Variants in ZBTB20 observed in about 807,000 individuals in gnomAD.
ZBTB20 encodes zinc finger and BTB domain-containing protein 20.
A neutral mutation model predicts 56.9 loss-of-function variants in ZBTB20; 9 were observed. That is an observed-to-expected ratio of 0.16 (90% CI 0.10 to 0.28). The LOEUF (loss-of-function observed/expected upper bound fraction) is 0.28, where lower values mean the gene tolerates loss of function less well. ZBTB20 is among the 10% of genes least tolerant of loss of function. The pLI is 1.00. For missense variants in ZBTB20, 655 were observed against 1,003.0 expected (o/e 0.65, Z 4.69); for synonymous variants, 417 against 420.7 (o/e 0.99, Z 0.11).
At chr3:114,855,641 T>C (rs931359754) in intron 4 of ZBTB20, among the ~76,000 whole-genome samples, 1 of 152,124 alleles carries the variant, frequency 6.6e-6, no homozygotes, top group African/African-American at 2.4e-5. Context: ...TCCTCATCCG[T>C]CATTACATGA....
At chr3:114,957,980 A>G (rs1380742911) in intron 3 of ZBTB20, among the ~76,000 whole-genome samples, 8 of 152,208 alleles carry the variant, frequency 5.3e-5, no homozygotes, top group Admixed American at 2.0e-4. Flanking sequence ...AAAGAACACA[A>G]CATACATTGC....
intron 10 of ZBTB20, among the ~76,000 whole-genome samples, chr3:114,364,645 G>A (rs933253731): frequency 7.2e-5 from 11 of 152,224 alleles, no homozygotes; most frequent in Middle Eastern, 3.4e-3. Context: ...CAACAGTTAC[G>A]TCTACAGCAA....
At chr3:114,423,394 G>A (rs1357591358) in intron 7 of ZBTB20, among the ~76,000 whole-genome samples, 1 of 152,174 alleles carries the variant, frequency 6.6e-6, no homozygotes, top group Non-Finnish European at 1.5e-5. Context: ...GTTAACAAAA[G>A]TTAACAAAGA....
chr3:114,351,637 T>G lies in ZBTB20; in HGVS notation c.441A>C (p.Ser147=). Residue 147 remains serine (S), a synonymous_variant, in exon 11 of 12, where the codon TCA becomes TCC. Coordinates refer to ENST00000675478, the MANE Select transcript of ZBTB20 (RefSeq NM_001348800.3). ...CAATGAGCTTTTGCACTGACTGCAC[T>G]GACACCACCGACGGGATCTCGATGT... The part of the protein sequence containing the change: ...YSDIEIPSVV[S]VQSVQKLIDF... 1 of 1,613,850 alleles carries G rather than the reference T, an allele frequency of 6.2e-7. No individual in the cohort carries two copies. The highest frequency in any genetic ancestry group is 8.5e-7 in the Non-Finnish European group (1 of 1,179,956).
intron 5 of ZBTB20, among the ~76,000 whole-genome samples, chr3:114,725,647 A>G (rs2065221507): frequency 6.6e-6 from 1 of 152,224 alleles, no homozygotes; most frequent in Non-Finnish European, 1.5e-5. Context: ...TTCATTCCCA[A>G]TCAGCGAAAT....
intron 7 of ZBTB20, among the ~76,000 whole-genome samples, chr3:114,489,303 T>C (rs1382941567): frequency 2.0e-5 from 3 of 152,320 alleles, no homozygotes; most frequent in South Asian, 4.1e-4. Context: ...GTGACATCAA[T>C]GTCTGCCTCA....
At chr3:115,113,483 T>C (rs1469450339) in intron 1 of ZBTB20, among the ~76,000 whole-genome samples, 1 of 152,176 alleles carries the variant, frequency 6.6e-6, no homozygotes, top group Non-Finnish European at 1.5e-5. Context: ...GCACTGAAAA[T>C]CTCAGCAATG....
intron 7 of ZBTB20, among the ~76,000 whole-genome samples, chr3:114,413,342 C>A (rs1036381865): frequency 6.6e-6 from 1 of 152,120 alleles, no homozygotes; most frequent in Non-Finnish European, 1.5e-5. Flanking sequence ...AACTAAAGAA[C>A]TACTTTACAC....
intron 4 of ZBTB20, among the ~76,000 whole-genome samples, chr3:114,844,750 A>G (rs1158341599): frequency 6.6e-6 from 1 of 151,070 alleles, no homozygotes; most frequent in Non-Finnish European, 1.5e-5. Context: ...AATGTCAGTC[A>G]TTCTAAAGGA....
At chr3:114,428,123 T>C (rs2089841180) in intron 7 of ZBTB20, among the ~76,000 whole-genome samples, 1 of 152,170 alleles carries the variant, frequency 6.6e-6, no homozygotes, top group Non-Finnish European at 1.5e-5. Context: ...TTTTTCTTCT[T>C]GTAAAAAGAA....
At chr3:114,408,789 T>G (rs1283195969) in intron 7 of ZBTB20, among the ~76,000 whole-genome samples, 3 of 152,066 alleles carry the variant, frequency 2.0e-5, no homozygotes, top group Admixed American at 6.6e-5. Context: ...AAAAATTACT[T>G]TCATTGGTTA....
Position 114,419,451 on chromosome 3 carries a change from T to C in ZBTB20, c.-254-30346A>G, listed in dbSNP as rs114688004. On this transcript the variant is annotated intron_variant, in intron 7 of 11. Coordinates refer to ENST00000675478, the MANE Select transcript of ZBTB20 (RefSeq NM_001348800.3). ...TAGTAATAGGGCAGGAAAATAACTCTAAACACACATTTGGTACTGTGGGTA... is the reference window on the plus strand; with the variant it reads ...TAGTAATAGGGCAGGAAAATAACTCCAAACACACATTTGGTACTGTGGGTA... 8.0e-3 allele frequency among the ~76,000 whole-genome samples: 1,216 copies of C among 152,150 alleles called. 11 individuals carry two copies. The highest frequency in any genetic ancestry group is 0.014 in the Non-Finnish European group (919 of 67,970).
intron 6 of ZBTB20, among the ~76,000 whole-genome samples, chr3:114,684,133 A>T (rs887146596): frequency 2.6e-5 from 4 of 152,158 alleles, no homozygotes; most frequent in Admixed American, 2.0e-4. Flanking sequence ...GGCTTAACTG[A>T]TTCTCTTGCT....
chr3:114,983,006 T>C (rs75396574), intron 2 of ZBTB20, among the ~76,000 whole-genome samples: 2,920 of 152,126 alleles, frequency 0.019, 38 homozygotes, highest in South Asian at 0.032. Context: ...GGAAATAATC[T>C]AGTTATTTCC....
chr3:114,882,894 T>C (rs897190928), intron 4 of ZBTB20, among the ~76,000 whole-genome samples: 2 of 152,112 alleles, frequency 1.3e-5, no homozygotes, highest in African/African-American at 2.4e-5. Flanking sequence ...AAAATACAAA[T>C]AGCAGAAAGA....
intron 7 of ZBTB20, among the ~76,000 whole-genome samples, chr3:114,486,659 T>TA (rs1284459087): frequency 6.6e-6 from 1 of 152,220 alleles, no homozygotes; most frequent in Non-Finnish European, 1.5e-5. Context: ...AGGCTACTAT[T>TA]AAAAGATTTA....
At chr3:114,626,279 C>A (rs2058654450) in intron 6 of ZBTB20, among the ~76,000 whole-genome samples, 1 of 152,120 alleles carries the variant, frequency 6.6e-6, no homozygotes, top group African/African-American at 2.4e-5. Context: ...ACTGTTTAAT[C>A]TTGGGCAAAT....
chr3:115,096,845 C>G (rs147536224), intron 1 of ZBTB20, among the ~76,000 whole-genome samples: 1 of 152,098 alleles, frequency 6.6e-6, no homozygotes. Context: ...TTTATGAATA[C>G]GAGAATTTGT....
intron 6 of ZBTB20, among the ~76,000 whole-genome samples, chr3:114,506,351 G>A (rs1250071676): frequency 2.0e-5 from 3 of 152,114 alleles, no homozygotes; most frequent in Non-Finnish European, 4.4e-5. Context: ...CTGCGCCTGA[G>A]ACATTGCCAA....
Sources: gnomAD v4.1 joint callset for allele counts (sites outside exome capture counted in the v4.1 genomes callset) on GRCh38, gnomAD v4.1.1 for gene constraint, MANE v1.5 for transcripts, NCBI Gene and HGNC (gene_info 2026-07-23, HGNC 2026-07-21) for gene names.